CTNNA3: variants seen among roughly 807,000 people sequenced by gnomAD.
The protein encoded by CTNNA3 is catenin alpha-3.
A neutral mutation model predicts 95.7 loss-of-function variants in CTNNA3; 76 were observed. The observed-to-expected ratio is 0.79, with a 90% CI of 0.66 to 0.96. CTNNA3 has a LOEUF of 0.96. CTNNA3 is among the 40% of genes least tolerant of loss of function. CTNNA3 has a pLI of 0.00. For missense variants in CTNNA3, 1,191 were observed against 1,089.8 expected (o/e 1.09, Z -1.31); for synonymous variants, 431 against 374.4 (o/e 1.15, Z -1.74).
At chr10:66,740,370 G>C (rs1371347404) in intron 9 of CTNNA3, among the ~76,000 whole-genome samples, 2 of 152,164 alleles carry the variant, frequency 1.3e-5, no homozygotes, top group African/African-American at 4.8e-5. Flanking sequence ...TGGGGTTTAT[G>C]CTCCCTAGGT....
chr10:66,409,391 C>A (rs1388436751), intron 11 of CTNNA3, among the ~76,000 whole-genome samples: 1 of 143,976 alleles, frequency 6.9e-6, no homozygotes, highest in Admixed American at 6.9e-5. Context: ...AGAGAATTTT[C>A]TAACTGTTCC....
intron 16 of CTNNA3, among the ~76,000 whole-genome samples, chr10:65,969,685 A>G (rs1253767358): frequency 1.9e-4 from 29 of 152,270 alleles, no homozygotes; most frequent in Non-Finnish European, 5.9e-5. Context: ...GATCTTGAAG[A>G]CCAGTCTTTT....
At chr10:67,315,882 A>G (rs1394493504) in intron 5 of CTNNA3, among the ~76,000 whole-genome samples, 5 of 152,164 alleles carry the variant, frequency 3.3e-5, no homozygotes, top group Non-Finnish European at 7.4e-5. Context: ...TTTGTGCTCT[A>G]CAAGCCTCTA....
At chr10:65,943,934 A>G (rs1485791401) in intron 17 of CTNNA3, among the ~76,000 whole-genome samples, 1 of 152,202 alleles carries the variant, frequency 6.6e-6, no homozygotes. Context: ...AGCTATTCTT[A>G]TATTATTATA....
At chr10:67,624,970 GTCTT>G (rs774938997) in intron 2 of CTNNA3, among the ~76,000 whole-genome samples, 14 of 151,984 alleles carry the variant, frequency 9.2e-5, no homozygotes, top group South Asian at 6.2e-4. Context: ...CTTTGTCTCT[GTCTT>G]TCTGTGAAGA....
intron 3 of CTNNA3, among the ~76,000 whole-genome samples, chr10:67,567,033 AG>A (rs1164462982): frequency 1.5e-5 from 1 of 66,116 alleles, no homozygotes; most frequent in Non-Finnish European, 2.7e-5. Flanking sequence ...GGGTGGGGGG[AG>A]GGGGGAGGGA....
intron 15 of CTNNA3, among the ~76,000 whole-genome samples, chr10:66,030,318 C>A (rs758626742): frequency 5.3e-5 from 8 of 152,088 alleles, no homozygotes; most frequent in Non-Finnish European, 1.0e-4. Flanking sequence ...AAACTTTATA[C>A]TACAAGGCTA....
At chr10:67,527,589 G>C (rs1232699044) in intron 4 of CTNNA3, among the ~76,000 whole-genome samples, 2 of 152,224 alleles carry the variant, frequency 1.3e-5, no homozygotes, top group African/African-American at 4.8e-5. Flanking sequence ...ATCAATTGCA[G>C]ATAAGACCAG....
chr10:67,529,120 G>T (rs1840238593), intron 4 of CTNNA3, among the ~76,000 whole-genome samples: 1 of 152,164 alleles, frequency 6.6e-6, no homozygotes, highest in Non-Finnish European at 1.5e-5. Context: ...AAAACATCAT[G>T]TTATATACCA....
chr10:66,744,619 T>A (rs1477118414), intron 9 of CTNNA3, among the ~76,000 whole-genome samples: 1 of 152,188 alleles, frequency 6.6e-6, no homozygotes, highest in Non-Finnish European at 1.5e-5. Flanking sequence ...TGCCTTGCAT[T>A]TATATTTTAA....
chr10:67,574,157 C>T (rs1842064655), intron 3 of CTNNA3, among the ~76,000 whole-genome samples: 1 of 152,096 alleles, frequency 6.6e-6, no homozygotes, highest in Admixed American at 6.6e-5. Context: ...CAATCCAACA[C>T]CCTAGGAAAA....
chr10:66,753,734 T>TA (rs199957413), intron 9 of CTNNA3, among the ~76,000 whole-genome samples: 1,755 of 149,900 alleles, frequency 0.012, 31 homozygotes, highest in African/African-American at 0.04. Flanking sequence ...TACACTGCAA[T>TA]AAAAAAATCT....
chr10:66,387,355 T>A (rs1277183065), intron 11 of CTNNA3, among the ~76,000 whole-genome samples: 1 of 152,104 alleles, frequency 6.6e-6, no homozygotes, highest in Non-Finnish European at 1.5e-5. Flanking sequence ...TGCTCGTCAT[T>A]ACTGGTCATC....
At position 67,011,757 on chromosome 10, in the gene CTNNA3, C is replaced by A. The variant is rs1445060365; in HGVS notation, c.1047+168560G>T. On this transcript the variant is annotated intron_variant, in intron 7 of 17. Transcript: ENST00000433211. The stretch of plus-strand genomic sequence containing the variant: ...AACTAATTTAATCCTCATAATAACC[C>A]TAGGAGGTAGGTATTATCATCAACC... Among the ~76,000 whole-genome samples the A allele has an allele frequency of 2.0e-5, 3 of 151,850 alleles. No individual in the cohort carries two copies. The East Asian group carries it at 5.8e-4, about 29-fold the overall frequency.
At chr10:67,729,458 A>C (rs76773716) in intron 1 of CTNNA3, among the ~76,000 whole-genome samples, 2,513 of 152,278 alleles carry the variant, frequency 0.017, 72 homozygotes, top group African/African-American at 0.058. Context: ...AAAACAATAA[A>C]GACAATGTTA....
At chr10:66,179,176 A>C (rs2085899805) in intron 13 of CTNNA3, among the ~76,000 whole-genome samples, 1 of 152,062 alleles carries the variant, frequency 6.6e-6, no homozygotes, top group South Asian at 2.1e-4. Context: ...TGAGTGAATG[A>C]TTAAACAGAC....
At chr10:66,479,167 A>G (rs2131895602) in intron 11 of CTNNA3, among the ~76,000 whole-genome samples, 1 of 152,064 alleles carries the variant, frequency 6.6e-6, no homozygotes, top group South Asian at 2.1e-4. Context: ...TCTCATAAGA[A>G]CCACCTCTAT....
Position 67,379,122 on chromosome 10 carries a change from T to G in CTNNA3, c.579+142720A>C, listed in dbSNP as rs141904260. On this transcript the variant is annotated intron_variant, in intron 5 of 17. Transcript: ENST00000433211. ...GACCTTTTGTGGAAAATACTACATATGTCTTAAAATATTTCTCTGTTTAAA... is the reference window on the plus strand; with the variant it reads ...GACCTTTTGTGGAAAATACTACATAGGTCTTAAAATATTTCTCTGTTTAAA... Among the ~76,000 whole-genome samples the G allele has an allele frequency of 5.0e-3, 762 of 152,352 alleles. 9 individuals carry two copies. Among genetic ancestry groups the G allele is most frequent in the African/African-American group, 0.017 (722 of 41,598 alleles).
chr10:66,013,914 C>A (rs1020594635), intron 15 of CTNNA3, among the ~76,000 whole-genome samples: 1 of 152,220 alleles, frequency 6.6e-6, no homozygotes, highest in African/African-American at 2.4e-5. Context: ...ATAATTGATT[C>A]AAAGCTGTTT....
Sources: allele counts gnomAD v4.1 joint callset (sites outside exome capture counted in the v4.1 genomes callset), GRCh38; gene constraint gnomAD v4.1.1; transcripts MANE v1.5; gene names NCBI Gene and HGNC (gene_info 2026-07-23, HGNC 2026-07-21).